Variants in FMN1 observed in about 807,000 individuals in gnomAD.
FMN1 encodes the protein formin-1.
Under a neutral mutation model 132.4 loss-of-function variants are expected in FMN1, and 110 were observed. That is an observed-to-expected ratio of 0.83 (90% CI 0.71 to 0.97). The LOEUF (loss-of-function observed/expected upper bound fraction) is 0.97, where lower values mean the gene tolerates loss of function less well. Ranked by LOEUF, FMN1 falls within the 50% of genes least tolerant of loss-of-function variation. The probability of loss-of-function intolerance (pLI) is 0.00; values close to 1 mark genes in which losing one functional copy is unlikely to be tolerated. For missense variants in FMN1, 1,792 were observed against 1,705.3 expected (o/e 1.05, Z -0.90); for synonymous variants, 722 against 651.7 (o/e 1.11, Z -1.64).
chr15:32,779,824 T>C (rs1017882707), intron 19 of FMN1, among the ~76,000 whole-genome samples: 12 of 152,336 alleles, frequency 7.9e-5, no homozygotes, highest in Admixed American at 2.6e-4. Flanking sequence ...TGTGCAATGC[T>C]GCTTATGTAC....
At chr15:32,795,073 ACCTGTAGTC>A (rs966120289) in intron 19 of FMN1, among the ~76,000 whole-genome samples, 3 of 151,988 alleles carry the variant, frequency 2.0e-5, no homozygotes, top group African/African-American at 7.3e-5. Flanking sequence ...GGTGATGCAC[ACCTGTAGTC>A]CCAGCTACTC....
chr15:32,908,541 T>C lies in FMN1; in HGVS notation c.3326A>G (p.Tyr1109Cys). The C allele has an allele frequency of 6.2e-7, 1 of 1,606,934 alleles. No individual in the cohort carries two copies. Among genetic ancestry groups the C allele is most frequent in the Non-Finnish European group, 8.5e-7 (1 of 1,177,078 alleles). The change falls in exon 12 of 21, where the codon TAT becomes TGT. Residue 1109 changes from tyrosine (Y) to cysteine (C), a missense_variant. Physicochemically the swap from Tyr to Cys is radical, Grantham distance 194 (BLOSUM62 -2). This residue lies in a region of FMN1 where 1,150 missense variants were observed against 1,043.1 expected (regional missense o/e 1.10). Coordinates refer to ENST00000616417, the MANE Select transcript of FMN1 (RefSeq NM_001277313.2). ...QEDELVKIRK[Y>C]YETSKEEELK... ...TTCTTCTTCTTTGGATGTCTCGTAA[T>C]ACTTTCTTATTTTAACCAGCTCATC...
Position 33,123,184 on chromosome 15 carries a change from G to C in FMN1, c.1867+29864C>G, listed in dbSNP as rs146928275. On this transcript the variant is annotated intron_variant, in intron 4 of 20. Coordinates refer to ENST00000616417, the MANE Select transcript of FMN1 (RefSeq NM_001277313.2). Reference sequence around the variant, plus strand: ...TTCACATCCATCCACTTATTTCCAGGCCCAATTCAAGTCCCCATCAACTGG... The same window carrying C: ...TTCACATCCATCCACTTATTTCCAGCCCCAATTCAAGTCCCCATCAACTGG... Among the ~76,000 whole-genome samples, 5 of 151,396 alleles carry C rather than the reference G, an allele frequency of 3.3e-5. No individual in the cohort carries two copies. In the East Asian group the frequency reaches 9.7e-4, roughly 29 times the overall value.
chr15:33,104,085 T>C (rs976037485), intron 4 of FMN1, among the ~76,000 whole-genome samples: 1 of 152,124 alleles, frequency 6.6e-6, no homozygotes. Context: ...GTTCATCATA[T>C]ATTTGTCAGC....
At chr15:33,033,377 A>T (rs115564805) in intron 6 of FMN1, among the ~76,000 whole-genome samples, 1,684 of 152,248 alleles carry the variant, frequency 0.011, 36 homozygotes, top group African/African-American at 0.039. Flanking sequence ...CACTGATGAA[A>T]CTGAAGAACT....
intron 15 of FMN1, among the ~76,000 whole-genome samples, chr15:32,891,163 A>G (rs1406467664): frequency 6.6e-6 from 1 of 152,154 alleles, no homozygotes; most frequent in Non-Finnish European, 1.5e-5. Context: ...TATAGTTTGA[A>G]ATCAGGTAGT....
chr15:32,949,323 T>C (rs564433067), intron 9 of FMN1, among the ~76,000 whole-genome samples: 2 of 152,254 alleles, frequency 1.3e-5, no homozygotes, highest in Admixed American at 6.5e-5. Context: ...CAAAAGAGCA[T>C]GGTACTAATA....
chr15:32,937,045 C>T (rs1048776343), intron 9 of FMN1, among the ~76,000 whole-genome samples: 11 of 152,274 alleles, frequency 7.2e-5, no homozygotes, highest in South Asian at 2.1e-4. Flanking sequence ...GAGCATTGGA[C>T]GGATGCTCCG....
chr15:32,853,344 T>C (rs1439672407), intron 17 of FMN1, among the ~76,000 whole-genome samples: 2 of 152,236 alleles, frequency 1.3e-5, no homozygotes, highest in African/African-American at 2.4e-5. Flanking sequence ...TTTCACGTTT[T>C]AGAGCCTCTG....
At chr15:33,060,174 G>T (rs1288058512) in intron 6 of FMN1, among the ~76,000 whole-genome samples, 2 of 152,200 alleles carry the variant, frequency 1.3e-5, no homozygotes, top group Admixed American at 1.3e-4. Context: ...ATGAAAGATA[G>T]TACAATGCAC....
intron 3 of FMN1, among the ~76,000 whole-genome samples, chr15:33,169,989 C>T (rs1264820637): frequency 6.6e-6 from 1 of 151,952 alleles, no homozygotes; most frequent in African/African-American, 2.4e-5. Flanking sequence ...AGCCCAATAC[C>T]ATCAGAAGAA....
chr15:32,995,101 T>C (rs1460452581), intron 7 of FMN1, among the ~76,000 whole-genome samples: 1 of 150,698 alleles, frequency 6.6e-6, no homozygotes, highest in Non-Finnish European at 1.5e-5. Context: ...CACAGAAGCA[T>C]ATATATATAT....
chr15:33,094,904 G>A (rs1049346882), intron 4 of FMN1, among the ~76,000 whole-genome samples: 68 of 152,212 alleles, frequency 4.5e-4, no homozygotes, highest in Admixed American at 1.8e-3. Context: ...TCCTGATGCA[G>A]AAAAGATCAA....
At chr15:33,095,347 A>C (rs2039043802) in intron 4 of FMN1, among the ~76,000 whole-genome samples, 1 of 152,110 alleles carries the variant, frequency 6.6e-6, no homozygotes, top group African/African-American at 2.4e-5. Context: ...GACTGTCTCA[A>C]AAAAAACAAA....
At chr15:32,829,759 G>A (rs1009631223) in intron 17 of FMN1, among the ~76,000 whole-genome samples, 2 of 152,142 alleles carry the variant, frequency 1.3e-5, no homozygotes, top group Admixed American at 6.5e-5. Flanking sequence ...GGTAAGATTC[G>A]TGAGTGAGGA....
intron 17 of FMN1, among the ~76,000 whole-genome samples, chr15:32,829,045 G>C (rs2058439368): frequency 6.6e-6 from 1 of 152,172 alleles, no homozygotes; most frequent in African/African-American, 2.4e-5. Context: ...GTCAGTATTT[G>C]TTTACTTGGA....
chr15:33,074,939 T>G (rs541166573), intron 5 of FMN1, among the ~76,000 whole-genome samples: 15 of 144,878 alleles, frequency 1.0e-4, no homozygotes, highest in Admixed American at 3.7e-4. Context: ...GAGAATCGCT[T>G]GAACCTGGGA....
chr15:32,991,811 C>T (rs559107533), intron 7 of FMN1, among the ~76,000 whole-genome samples: 4 of 152,286 alleles, frequency 2.6e-5, no homozygotes, highest in African/African-American at 7.2e-5. Context: ...CCCTTTGACA[C>T]TCAAAGGCCA....
chr15:32,953,835 G>C (rs1054755745), intron 9 of FMN1, among the ~76,000 whole-genome samples: 1 of 152,202 alleles, frequency 6.6e-6, no homozygotes, highest in African/African-American at 2.4e-5. Context: ...CGGAAGGTGG[G>C]AACATTGTGG....
Sources: gnomAD v4.1 joint callset for allele counts (sites outside exome capture counted in the v4.1 genomes callset) on GRCh38, gnomAD v4.1.1 for gene constraint, gnomAD v4.1.1 regional missense constraint, MANE v1.5 for transcripts, NCBI Gene and HGNC (gene_info 2026-07-23, HGNC 2026-07-21) for gene names.